EOGT: variants seen among roughly 807,000 people sequenced by gnomAD.
EOGT encodes the protein EGF domain-specific O-linked N-acetylglucosamine transferase.
Under a neutral mutation model 70.5 loss-of-function variants are expected in EOGT, and 55 were observed. The observed-to-expected ratio is 0.78, with a 90% CI of 0.63 to 0.98. The LOEUF (loss-of-function observed/expected upper bound fraction) is 0.98, where lower values mean the gene tolerates loss of function less well. Ranked by LOEUF, EOGT falls within the 50% of genes least tolerant of loss-of-function variation. EOGT has a pLI of 0.00. For synonymous variants in EOGT, 246 were observed against 217.1 expected (o/e 1.13, Z -1.17); for missense variants, 703 against 641.9 (o/e 1.10, Z -1.03).
At chr3:68,991,211 C>G (rs2090984503) in intron 10 of EOGT, among the ~76,000 whole-genome samples, 1 of 152,180 alleles carries the variant, frequency 6.6e-6, no homozygotes, top group Non-Finnish European at 1.5e-5. Context: ...AAATTATCCA[C>G]CATTTGGGAA....
chr3:68,994,683 G>A (rs1473606210), intron 10 of EOGT, among the ~76,000 whole-genome samples: 1 of 151,978 alleles, frequency 6.6e-6, no homozygotes, highest in African/African-American at 2.4e-5. Flanking sequence ...CCCAGATACT[G>A]GGGAGGCCGA....
chr3:69,005,367 A>G (rs2091414686), intron 6 of EOGT, 133 bp from the exon 7 acceptor site: 1 of 531,134 alleles, frequency 1.9e-6, no homozygotes. Flanking sequence ...AAAGCTCTCC[A>G]AAGACTGCAT....
rs1575699397 is a variant in EOGT at position 68,977,742 on chromosome 3, T to TC, written c.1459dup (p.Glu487GlyfsTer35). ...AGAGTAGTTGGTGAACTTCGGGTGC[T>TC]CCCCCAGGGTTGGATGGTGGCCCTG... is the stretch of plus-strand genomic sequence containing the variant. On this transcript the variant is annotated frameshift_variant, in exon 18 of 18. Coordinates refer to ENST00000383701, the MANE Select transcript of EOGT (RefSeq NM_001278689.2). LOFTEE classifies it high-confidence loss of function. 6 of 1,612,910 alleles carry TC rather than the reference T, an allele frequency of 3.7e-6. No homozygotes were observed. The highest frequency in any genetic ancestry group is 2.7e-5 in the African/African-American group (2 of 74,828).
In EOGT at chr3:68,977,836, T is replaced by A. The variant is rs374926368; in HGVS notation, c.1438-72A>T. On this transcript the variant is annotated intron_variant, in intron 17 of 17. Coordinates refer to ENST00000383701, the MANE Select transcript of EOGT (RefSeq NM_001278689.2). ...GGTTTTCTCTACAGCAGGAAAATTA[T>A]GTTACTTTGGTTAAGGCAACTAATT... 4 of 1,485,338 alleles carry A rather than the reference T, an allele frequency of 2.7e-6. No homozygotes were observed. The African/African-American group carries it at 4.3e-5, about 16-fold the overall frequency. The allele number at this position is 1,485,338 out of a possible 1,614,324, so 92.0% of individuals were successfully genotyped here. A position where few individuals can be genotyped will look rare whatever the true frequency, so the allele number is the denominator to read the frequency against.
intron 8 of EOGT, among the ~76,000 whole-genome samples, chr3:69,003,612 A>G (rs2091358388): frequency 6.6e-6 from 1 of 152,138 alleles, no homozygotes; most frequent in Non-Finnish European, 1.5e-5. Flanking sequence ...TCTTGGGTAT[A>G]ATACATACTA....
chr3:68,998,722 G>C (rs1329430885), intron 9 of EOGT, among the ~76,000 whole-genome samples: 1 of 151,564 alleles, frequency 6.6e-6, no homozygotes, highest in Non-Finnish European at 1.5e-5. Context: ...GGCGTGGTTA[G>C]CCACTCAGGA....
chr3:68,979,585 T>C, intron 16 of EOGT, 83 bp downstream of exon 16: 1 of 1,441,442 alleles, frequency 6.9e-7, no homozygotes, highest in South Asian at 1.3e-5. Context: ...ATATTAAGCC[T>C]TTTGATGCTC....
intron 7 of EOGT, 25 bp from the exon 8 acceptor site, chr3:69,004,507 T>C: frequency 1.9e-6 from 3 of 1,553,102 alleles, no homozygotes; most frequent in Non-Finnish European, 2.7e-6. Flanking sequence ...AACATTAAGT[T>C]AAGTTCAGAA....
chr3:69,010,072 CAGAGGTGAACAAAACAAGAA>C (rs1377417763), intron 3 of EOGT, among the ~76,000 whole-genome samples: 1 of 152,108 alleles, frequency 6.6e-6, no homozygotes, highest in Non-Finnish European at 1.5e-5. Context: ...AATGGGTATA[CAGAGGTGAACAAAACAAGAA>C]AGAGCCTTGC....
Position 68,988,568 on chromosome 3 carries a change from T to G in EOGT, c.934A>C (p.Lys312Gln). The G allele has an allele frequency of 2.0e-6, 3 of 1,529,040 alleles. No homozygotes were observed. Among genetic ancestry groups the G allele is most frequent in the Non-Finnish European group, 2.6e-6 (3 of 1,142,468 alleles). The allele number at this position is 1,529,040 out of a possible 1,614,324, so 94.7% of individuals were successfully genotyped here. A position where few individuals can be genotyped will look rare whatever the true frequency, so the allele number is the denominator to read the frequency against. The change falls in exon 12 of 18, where the codon AAA becomes CAA. Residue 312 changes from lysine (K) to glutamine (Q), a missense_variant. Transcript: ENST00000383701. ...KTYDSKRVCF[K>Q]EAVFSLLPRM... is the part of the protein sequence containing the mutation. ...GGGAGTAATGAAAAAACAGCTTCTT[T>G]AAAACATACCTAAGAACAAAGATAC...
intron 15 of EOGT, among the ~76,000 whole-genome samples, chr3:68,981,380 G>A (rs1359385642): frequency 6.6e-6 from 1 of 152,158 alleles, no homozygotes; most frequent in African/African-American, 2.4e-5. Context: ...AAGCTCCCAT[G>A]CCAACATTCT....
rs1158783620 is a variant in EOGT at position 69,004,406 on chromosome 3, C to T, written c.592G>A (p.Gly198Ser). Residue 198 changes from glycine (G) to serine (S), a missense_variant, in exon 8 of 18, where the codon GGT becomes AGT. Gly to Ser is a moderately conservative substitution (Grantham distance 56). Coordinates refer to ENST00000383701, the MANE Select transcript of EOGT (RefSeq NM_001278689.2). ...KLDIRTLTSE[G>S]QRKSPLQSWF... The stretch of plus-strand genomic sequence containing the variant: ...GACTGCAGAGGGCTTTTGCGCTGAC[C>T]TTCAGACGTCAATGTACGGATGTCA... The T allele has an allele frequency of 6.2e-7, 1 of 1,613,874 alleles. No homozygotes were observed. Among genetic ancestry groups the T allele is most frequent in the Non-Finnish European group, 8.5e-7 (1 of 1,179,920 alleles).
At chr3:68,989,197 T>C (rs1199608141) in intron 10 of EOGT, among the ~76,000 whole-genome samples, 180 bp from the exon 11 acceptor site, 1 of 152,238 alleles carries the variant, frequency 6.6e-6, no homozygotes, top group African/African-American at 2.4e-5. Flanking sequence ...CCTAATTTGA[T>C]GAAATATCAT....
chr3:69,013,370 G>T (rs1355957995), intron 1 of EOGT, among the ~76,000 whole-genome samples: 1 of 151,888 alleles, frequency 6.6e-6, no homozygotes, highest in Non-Finnish European at 1.5e-5. Flanking sequence ...GGCGCCCGGG[G>T]CCGGGGAGGG....
intron 9 of EOGT, among the ~76,000 whole-genome samples, chr3:69,000,932 A>G (rs976313859): frequency 4.6e-5 from 7 of 150,924 alleles, no homozygotes; most frequent in African/African-American, 1.7e-4. Flanking sequence ...CTTCTTTCCC[A>G]CCCATACTAT....
intron 7 of EOGT, 123 bp downstream of exon 7, chr3:69,004,993 TCACAGCTGCACTGAGCCATGATTA>T: frequency 1.9e-6 from 1 of 522,972 alleles, no homozygotes; most frequent in Non-Finnish European, 3.3e-6. Flanking sequence ...GTTTGGGAGG[TCACAGCTGCACTGAGCCATGATTA>T]CACCGCTGCA....
chr3:68,983,540 A>T (rs1017451365), intron 14 of EOGT, among the ~76,000 whole-genome samples: 1 of 152,264 alleles, frequency 6.6e-6, no homozygotes, highest in East Asian at 1.9e-4. Context: ...CAACTGTGTC[A>T]TGTTGCCTTG....
chr3:69,007,512 G>GGGGGGGCA (rs1262936997), intron 6 of EOGT, among the ~76,000 whole-genome samples: 3 of 60,326 alleles, frequency 5.0e-5, no homozygotes, highest in Admixed American at 3.6e-4. Flanking sequence ...ATTAGCGGGG[G>GGGGGGGCA]GGGGTGGCAC....
intron 10 of EOGT, 62 bp downstream of exon 10, chr3:68,997,949 C>T (rs544181099): frequency 1.0e-6 from 1 of 971,808 alleles, no homozygotes; most frequent in East Asian, 2.5e-5. Context: ...TTCACAACAT[C>T]AGAGTCACAC....
Sources: gnomAD v4.1 joint callset for allele counts (sites outside exome capture counted in the v4.1 genomes callset) on GRCh38, gnomAD v4.1.1 for gene constraint, MANE v1.5 for transcripts, NCBI Gene and HGNC (gene_info 2026-07-23, HGNC 2026-07-21) for gene names.